Variants in SIRPA observed in about 807,000 individuals in gnomAD.
The protein encoded by SIRPA is signal regulatory protein alpha, also known as tyrosine-protein phosphatase non-receptor type substrate 1.
SIRPA carries 9 observed loss-of-function variants against 50.3 expected under a neutral mutation model. The observed-to-expected ratio is 0.18, with a 90% CI of 0.11 to 0.31. The LOEUF (loss-of-function observed/expected upper bound fraction) is 0.31. SIRPA is among the 10% of genes least tolerant of loss of function. The probability of loss-of-function intolerance (pLI) is 1.00; values close to 1 mark genes in which losing one functional copy is unlikely to be tolerated. For synonymous variants in SIRPA, 265 were observed against 284.1 expected, an observed-to-expected ratio of 0.93 and a Z score of 0.68; for missense variants, 474 against 661.6, an observed-to-expected ratio of 0.72 and a Z score of 3.11.
intron 1 of SIRPA, among the ~76,000 whole-genome samples, chr20:1,899,931 A>G (rs1984072599): frequency 6.6e-6 from 1 of 152,194 alleles, no homozygotes; most frequent in South Asian, 2.1e-4. Context: ...CCAGTGTTGT[A>G]ATTAGCATGG....
chr20:1,895,505 G>A lies in SIRPA; in HGVS notation c.58G>A (p.Ala20Thr). Residue 20 changes from alanine to threonine, a missense_variant, in exon 1 of 8, where the codon GCC becomes ACC. Transcript: ENST00000358771. ...CGGGCCGCTGCTCTGCCTGCTGCTC[G>A]CCGCGTCCTGCGCCTGGTCAGGTAA... ...RLGPLLCLLLAASCAWSGVAG... is the reference protein window; with the variant it reads ...RLGPLLCLLLTASCAWSGVAG... The A allele has an allele frequency of 1.4e-6, 2 of 1,459,204 alleles. No individual in the cohort carries two copies. 90.4% of individuals were successfully genotyped at this position (1,459,204 alleles called of 1,614,324 possible).
Position 1,927,256 on chromosome 20 carries a change from A to C in SIRPA, c.1202-619A>C, listed in dbSNP as rs936366995. ...GAGTCAAACGGCTGCTGAACCCTGG[A>C]GGCTTCTCTGTGGGTTACCCCATAT... On this transcript the variant is annotated intron_variant, in intron 5 of 7. Transcript: ENST00000358771. The surrounding 1 kb of genome is among the most constrained non-coding windows in gnomAD (Gnocchi z 6.5). 2.6e-5 allele frequency among the ~76,000 whole-genome samples: 4 copies of C among 152,234 alleles called. No homozygotes were observed. The highest frequency in any genetic ancestry group is 5.9e-5 in the Non-Finnish European group (4 of 68,044).
Position 1,924,614 on chromosome 20 carries a change from T to C in SIRPA, c.1088-150T>C. On this transcript the variant is annotated intron_variant, in intron 4 of 7. Coordinates refer to ENST00000358771, the MANE Select transcript of SIRPA (RefSeq NM_001040023.2). This position sits in a 1 kb window ranked among gnomAD's most constrained non-coding sequence, Gnocchi z 4.5. ...TCGTGGGCAAGTGTGTACAGACCCA[T>C]GAGTGTGCCCATGTGGCTCGAGACA... The C allele has an allele frequency of 1.5e-6, 1 of 658,200 alleles. No homozygotes were observed. Among genetic ancestry groups the C allele is most frequent in the South Asian group, 1.8e-5 (1 of 56,822 alleles). 40.8% of individuals were successfully genotyped at this position (658,200 alleles called of 1,614,324 possible). A position where few individuals can be genotyped will look rare whatever the true frequency, so the allele number is the denominator to read the frequency against.
chr20:1,937,662 G>C lies in SIRPA; in HGVS notation c.*94G>C. The C allele has an allele frequency of 1.3e-6, 2 of 1,512,706 alleles. No individual in the cohort carries two copies. Among genetic ancestry groups the C allele is most frequent in the South Asian group, 2.5e-5 (2 of 80,158 alleles). 93.7% of individuals were successfully genotyped at this position (1,512,706 alleles called of 1,614,324 possible). A position where few individuals can be genotyped will look rare whatever the true frequency, so the allele number is the denominator to read the frequency against. ...GAGCACAGCCAACCCAGTTCCCGGA[G>C]GGCTGGGGCGGTGCAGGCTCTGGGA... On this transcript the variant is annotated 3_prime_UTR_variant, in exon 8 of 8. Transcript: ENST00000358771. The surrounding 1 kb of genome is among the most constrained non-coding windows in gnomAD (Gnocchi z 8.3).
chr20:1,914,423 TAC>T (rs1015180079), intron 1 of SIRPA, among the ~76,000 whole-genome samples: 2 of 151,848 alleles, frequency 1.3e-5, no homozygotes, highest in African/African-American at 4.8e-5. Context: ...GTAACTATTT[TAC>T]AGATGAAGAA....
chr20:1,908,660 G>A (rs556490186), intron 1 of SIRPA, among the ~76,000 whole-genome samples: 8 of 152,194 alleles, frequency 5.3e-5, no homozygotes, highest in Non-Finnish European at 8.8e-5. Flanking sequence ...ATGTACACAC[G>A]TGTGTTCTCG....
At chr20:1,894,225 T>A (rs1600378363), upstream of SIRPA, 1 of 151,840 alleles carries the variant, frequency 6.6e-6, no homozygotes, top group South Asian at 2.1e-4. This position sits in a 1 kb window ranked among gnomAD's most constrained non-coding sequence, Gnocchi z 4.0. Flanking sequence ...AGGCACGACC[T>A]CCTGGGGAGG....
rs367552910 is a variant in SIRPA at position 1,906,632 on chromosome 20, A to G, written c.80-8467A>G. Among the ~76,000 whole-genome samples, 4 of 152,136 alleles carry G rather than the reference A, an allele frequency of 2.6e-5. No homozygotes were observed. In the East Asian group the frequency reaches 5.8e-4, roughly 22 times the overall value. ...GCTGTAGGCCCCTGGGGCCACTGTA[A>G]AAATTCTGGGTTTCACTCTGAGTGC... On this transcript the variant is annotated intron_variant, in intron 1 of 7. Transcript: ENST00000358771.
chr20:1,898,958 G>A lies in SIRPA; in HGVS notation c.79+3432G>A, dbSNP rs926812135. Reference sequence around the variant, plus strand: ...CCTGCATCTTCCTGGTGCCCTTTGCGACAGATGGAGAGGGGGTGTGCGAGA... The same window carrying A: ...CCTGCATCTTCCTGGTGCCCTTTGCAACAGATGGAGAGGGGGTGTGCGAGA... On this transcript the variant is annotated intron_variant, in intron 1 of 7. Transcript: ENST00000358771. This position sits in a 1 kb window ranked among gnomAD's most constrained non-coding sequence, Gnocchi z 4.3. 1.3e-5 allele frequency among the ~76,000 whole-genome samples: 2 copies of A among 151,942 alleles called. No homozygotes were observed. Among genetic ancestry groups the A allele is most frequent in the African/African-American group, 2.4e-5 (1 of 41,358 alleles).
intron 2 of SIRPA, among the ~76,000 whole-genome samples, chr20:1,920,785 TG>T (rs1439677530): frequency 1.3e-5 from 2 of 152,266 alleles, no homozygotes; most frequent in African/African-American, 2.4e-5. Context: ...AAGTTAGATC[TG>T]TTTTTGCTTA....
chr20:1,900,226 G>A (rs1479249461), intron 1 of SIRPA, among the ~76,000 whole-genome samples: 1 of 150,696 alleles, frequency 6.6e-6, no homozygotes, highest in African/African-American at 2.4e-5. Flanking sequence ...TCAGCCTCCC[G>A]AGTAGCTGGG....
At position 1,924,603 on chromosome 20, in the gene SIRPA, G is replaced by A. The variant is rs1347036229; in HGVS notation, c.1088-161G>A. Among the ~76,000 whole-genome samples the A allele has an allele frequency of 6.6e-6, 1 of 152,220 alleles. No homozygotes were observed. On this transcript the variant is annotated intron_variant, in intron 4 of 7. Coordinates refer to ENST00000358771, the MANE Select transcript of SIRPA (RefSeq NM_001040023.2). The surrounding 1 kb of genome is among the most constrained non-coding windows in gnomAD (Gnocchi z 4.5). The stretch of plus-strand genomic sequence containing the variant: ...ATGGATGAGTCTCGTGGGCAAGTGT[G>A]TACAGACCCATGAGTGTGCCCATGT...
rs150245590 is a variant in SIRPA at position 1,922,572 on chromosome 20, G to A, written c.1014G>A (p.Gln338=). The change falls in exon 4 of 8, where the codon CAG becomes CAA. Residue 338 remains glutamine, a synonymous_variant. Coordinates refer to ENST00000358771, the MANE Select transcript of SIRPA (RefSeq NM_001040023.2). ...CCTGCCAGGTGGAGCATGACGGGCA[G>A]CCAGCGGTCAGCAAAAGCCATGACC... ...KLTCQVEHDG[Q]PAVSKSHDLK... 4.6e-5 allele frequency: 75 copies of A among 1,614,192 alleles called. No individual in the cohort carries two copies. In the African/African-American group the frequency reaches 9.2e-4, roughly 20 times the overall value.
chr20:1,929,566 C>T (rs34268759), intron 6 of SIRPA, among the ~76,000 whole-genome samples: 23,329 of 151,914 alleles, frequency 0.15, 2,274 homozygotes, highest in Middle Eastern at 0.3. Context: ...TCAGGTGCCC[C>T]GCTCCTGCCC....
chr20:1,903,335 G>A (rs891311124), intron 1 of SIRPA, among the ~76,000 whole-genome samples: 5 of 152,190 alleles, frequency 3.3e-5, no homozygotes, highest in Admixed American at 6.5e-5. Flanking sequence ...GGGAAATACC[G>A]TTAATCCATT....
chr20:1,913,340 C>G (rs4813325), intron 1 of SIRPA, among the ~76,000 whole-genome samples: 61,756 of 151,586 alleles, frequency 0.41, 12,802 homozygotes, highest in East Asian at 0.66. Flanking sequence ...CCCTGGGCTT[C>G]CTGCAGTGAG....
chr20:1,940,424 A>G lies in SIRPA; in HGVS notation c.*2856A>G, dbSNP rs1986800457. 1 of 152,144 alleles carries G rather than the reference A, an allele frequency of 6.6e-6. No homozygotes were observed. Among genetic ancestry groups the G allele is most frequent in the African/African-American group, 2.4e-5 (1 of 41,376 alleles). The allele number at this position is 152,144 out of a possible 1,614,324, so 9.4% of individuals were successfully genotyped here. Reference sequence around the variant, plus strand: ...GGGGCCTCACTTTCCTTCCCCACCAAATGCAGACATCTAATGCTTGTCCTG... The same window carrying G: ...GGGGCCTCACTTTCCTTCCCCACCAGATGCAGACATCTAATGCTTGTCCTG... On this transcript the variant is annotated 3_prime_UTR_variant, in exon 8 of 8. Transcript: ENST00000358771.
chr20:1,912,030 T>C (rs1207770341), intron 1 of SIRPA, among the ~76,000 whole-genome samples: 2 of 152,128 alleles, frequency 1.3e-5, no homozygotes, highest in African/African-American at 2.4e-5. Flanking sequence ...CGTCGCACTT[T>C]TAAAATTCTT....
intron 3 of SIRPA, among the ~76,000 whole-genome samples, 178 bp downstream of exon 3, chr20:1,921,890 A>G (rs1205336913): frequency 6.6e-6 from 1 of 151,988 alleles, no homozygotes; most frequent in Non-Finnish European, 1.5e-5. Context: ...TTTTAATGGC[A>G]GTGGCTGGGT....
Sources: gnomAD v4.1 joint callset for allele counts (sites outside exome capture counted in the v4.1 genomes callset) on GRCh38, gnomAD v4.1.1 for gene constraint, Gnocchi (gnomAD v3.1) non-coding constraint, MANE v1.5 for transcripts, NCBI Gene and HGNC (gene_info 2026-07-23, HGNC 2026-07-21) for gene names.